The following ZNF41 variants were observed in gnomAD, a reference collection of about 807,000 sequenced individuals.
ZNF41 encodes the protein zinc finger protein 41.
A neutral mutation model predicts 9.3 loss-of-function variants in ZNF41; 6 were observed. That is an observed-to-expected ratio of 0.65 (90% CI 0.35 to 1.28). The LOEUF (loss-of-function observed/expected upper bound fraction) is 1.28. Among genes scored for constraint, ZNF41 ranks in the 50% most tolerant of loss-of-function variants. ZNF41 has a pLI of 0.03. For synonymous variants in ZNF41, 192 were observed against 207.1 expected (o/e 0.93, Z 0.63); for missense variants, 523 against 585.8 (o/e 0.89, Z 1.11).
chrX:47,456,136 A>G, intron 3 of ZNF41, 120 bp from the exon 4 acceptor site: 2 of 1,062,933 alleles, frequency 1.9e-6, no homozygotes, highest in Non-Finnish European at 1.3e-6. Flanking sequence ...CAGAGTAATA[A>G]TCACAGAGGT....
In ZNF41 at chrX:47,448,049, A is replaced by G. The variant is rs2056192496; in HGVS notation, c.1721T>C (p.Ile574Thr). 1.7e-6 allele frequency: 2 copies of G among 1,209,005 alleles called. No homozygotes were observed. Among genetic ancestry groups the G allele is most frequent in the Non-Finnish European group, 1.1e-6 (1 of 894,908 alleles). The change falls in exon 5 of 5, where the codon ATT becomes ACT. Residue 574 changes from isoleucine (I) to threonine (T), a missense_variant. Coordinates refer to ENST00000684689, the MANE Select transcript of ZNF41 (RefSeq NM_001324144.2). ...CTTGCATTCATAGTGTCTCTCTCCA[A>G]TATGAGATTTCTGATGTATTTTGAG... The part of the protein sequence containing the change: ...SRLKIHQKSH[I>T]GERHYECKDC...
In ZNF41 at chrX:47,460,729, A is replaced by C. The variant is rs868478179; in HGVS notation, c.73-4331T>G. ...ATTACACAACCCCTAGAAAGTCTTA[A>C]ATGAAAAAGACTGATAATACCAAGT... On this transcript the variant is annotated intron_variant, in intron 2 of 4. Coordinates refer to ENST00000684689, the MANE Select transcript of ZNF41 (RefSeq NM_001324144.2). 3.6e-4 allele frequency among the ~76,000 whole-genome samples: 40 copies of C among 112,325 alleles called. 1 individual carries two copies. The highest frequency in any genetic ancestry group is 1.3e-3 in the African/African-American group (40 of 30,991).
At chrX:47,458,717 C>G (rs771536330) in intron 2 of ZNF41, among the ~76,000 whole-genome samples, 5 of 110,327 alleles carry the variant, frequency 4.5e-5, no homozygotes, top group African/African-American at 1.6e-4. Context: ...GGCGCAACCA[C>G]AGCCCACTGC....
intron 1 of ZNF41, among the ~76,000 whole-genome samples, chrX:47,474,721 T>C (rs1254934653): frequency 1.9e-5 from 2 of 103,291 alleles, no homozygotes; most frequent in Non-Finnish European, 3.9e-5. Flanking sequence ...CTACAAAAAA[T>C]TTAGAAAGTA....
rs200722932 is a variant in ZNF41, at chrX:47,449,469, C to T, written c.301G>A (p.Ala101Thr). The T allele has an allele frequency of 4.7e-5, 57 of 1,203,825 alleles. No homozygotes were observed. The African/African-American group carries it at 9.7e-4, about 20-fold the overall frequency. Reference protein sequence around the residue: ...EAPHQSCSGEAIGKMQQQGIP... With the variant: ...EAPHQSCSGETIGKMQQQGIP... ...CCCTGTTGCTGCATTTTCCCAATAGCCTCACCTAAAAAGAAAATGAAAGAA... is the reference window on the plus strand; with the variant it reads ...CCCTGTTGCTGCATTTTCCCAATAGTCTCACCTAAAAAGAAAATGAAAGAA... Residue 101 changes from alanine (A) to threonine (T), a missense_variant, in exon 5 of 5, where the codon GCT becomes ACT. Coordinates refer to ENST00000684689, the MANE Select transcript of ZNF41 (RefSeq NM_001324144.2).
intron 4 of ZNF41, among the ~76,000 whole-genome samples, chrX:47,453,192 G>A (rs1039739357): frequency 9.0e-6 from 1 of 111,550 alleles, no homozygotes; most frequent in African/African-American, 3.3e-5. Flanking sequence ...GCCTTCCAAA[G>A]TTCTGGGTTT....
intron 2 of ZNF41, among the ~76,000 whole-genome samples, chrX:47,458,099 C>T (rs1340373932): frequency 9.0e-6 from 1 of 110,629 alleles, no homozygotes; most frequent in Non-Finnish European, 1.9e-5. Context: ...AGCTTTTGGG[C>T]TATTATAGAG....
chrX:47,481,916 C>A (rs1436387795), intron 1 of ZNF41, among the ~76,000 whole-genome samples: 1 of 110,484 alleles, frequency 9.1e-6, no homozygotes, highest in Non-Finnish European at 1.9e-5. Flanking sequence ...GAAATAACCT[C>A]ATCTCAGACC....
At chrX:47,472,336 A>G (rs1341747185) in intron 1 of ZNF41, among the ~76,000 whole-genome samples, 2 of 110,930 alleles carry the variant, frequency 1.8e-5, no homozygotes, top group Middle Eastern at 4.3e-3. Flanking sequence ...CTCAACAAGC[A>G]TGAGTCTCAT....
intron 1 of ZNF41, among the ~76,000 whole-genome samples, chrX:47,474,708 T>C (rs1326712222): frequency 1.9e-5 from 2 of 104,553 alleles, no homozygotes; most frequent in Non-Finnish European, 3.9e-5. Flanking sequence ...GAGACCCCCA[T>C]CTCTACAAAA....
chrX:47,470,659 G>A (rs1170718016), intron 1 of ZNF41, among the ~76,000 whole-genome samples: 11 of 108,018 alleles, frequency 1.0e-4, no homozygotes, highest in African/African-American at 3.7e-4. Context: ...CCCAGGAGGC[G>A]GAGGTTGCAG....
intron 1 of ZNF41, among the ~76,000 whole-genome samples, chrX:47,474,743 T>C (rs953936613): frequency 9.2e-6 from 1 of 108,383 alleles, no homozygotes; most frequent in Non-Finnish European, 1.9e-5. Flanking sequence ...CCAGGCATGG[T>C]GGCATGCGCC....
At chrX:47,479,965 C>T (rs1490425152) in intron 1 of ZNF41, among the ~76,000 whole-genome samples, 3 of 109,982 alleles carry the variant, frequency 2.7e-5, no homozygotes, top group Non-Finnish European at 5.7e-5. Context: ...CAGGGTGGCA[C>T]GCGCCTATAG....
chrX:47,474,463 C>CA lies in ZNF41; in HGVS notation c.-279-6704dup, dbSNP rs759577486. ...TGGGTGACAGAGTGAAACTCCATCT[C>CA]AAAAAAAAAAAATCACAGACTGTAT... On this transcript the variant is annotated intron_variant, in intron 1 of 4. Transcript: ENST00000684689. Among the ~76,000 whole-genome samples, 133 of 99,925 alleles carry CA rather than the reference C, an allele frequency of 1.3e-3. 1 individual carries two copies. The highest frequency in any genetic ancestry group is 3.7e-3 in the East Asian group (12 of 3,268). The allele number at this position is 99,925 out of a possible 115,157, so 86.8% of individuals were successfully genotyped here.
At chrX:47,459,418 A>G (rs1402570870) in intron 2 of ZNF41, among the ~76,000 whole-genome samples, 1 of 109,799 alleles carries the variant, frequency 9.1e-6, no homozygotes, top group East Asian at 2.9e-4. Context: ...AAAGGTGTCC[A>G]GGCAGATAGT....
chrX:47,457,564 C>T (rs968998977), intron 2 of ZNF41, among the ~76,000 whole-genome samples: 2 of 111,714 alleles, frequency 1.8e-5, no homozygotes, highest in African/African-American at 6.5e-5. Flanking sequence ...GTTGGCTGGG[C>T]GCAGTGGCTC....
intron 1 of ZNF41, among the ~76,000 whole-genome samples, chrX:47,479,936 A>G (rs2057429743): frequency 1.8e-5 from 2 of 110,923 alleles, no homozygotes; most frequent in Admixed American, 1.9e-4. Context: ...CTCTACTAAA[A>G]ATACAAAAAT....
chrX:47,471,431 T>C (rs749965985), intron 1 of ZNF41, among the ~76,000 whole-genome samples: 3 of 108,010 alleles, frequency 2.8e-5, no homozygotes, highest in Non-Finnish European at 3.8e-5. Flanking sequence ...CCTGGGGGGA[T>C]AGAGTGAGAC....
intron 2 of ZNF41, among the ~76,000 whole-genome samples, chrX:47,461,689 G>A (rs2056797921): frequency 9.1e-6 from 1 of 109,866 alleles, no homozygotes; most frequent in South Asian, 3.9e-4. Context: ...GATTACAGGT[G>A]TGAGCCACTG....
Sources: allele counts gnomAD v4.1 joint callset (sites outside exome capture counted in the v4.1 genomes callset), GRCh38; gene constraint gnomAD v4.1.1; transcripts MANE v1.5; gene names NCBI Gene and HGNC (gene_info 2026-07-23, HGNC 2026-07-21).